GALNTL5: variants seen among roughly 807,000 people sequenced by gnomAD.
GALNTL5 encodes the protein inactive polypeptide N-acetylgalactosaminyltransferase-like protein 5.
GALNTL5 carries 44 observed loss-of-function variants against 51.0 expected under a neutral mutation model. The observed-to-expected ratio is 0.86, with a 90% CI of 0.68 to 1.11. GALNTL5 has a LOEUF of 1.11. Among genes scored for constraint, GALNTL5 ranks in the 50% least tolerant of loss-of-function variants. The pLI is 0.00. For missense variants in GALNTL5, 528 were observed against 531.8 expected, an observed-to-expected ratio of 0.99 and a Z score of 0.07; for synonymous variants, 192 against 182.8, an observed-to-expected ratio of 1.05 and a Z score of -0.41.
chr7:151,987,765 C>T (rs770491787), intron 5 of GALNTL5, among the ~76,000 whole-genome samples: 1 of 152,212 alleles, frequency 6.6e-6, no homozygotes. Flanking sequence ...ACCCGACACA[C>T]GTGGAGGAGG....
intron 3 of GALNTL5, among the ~76,000 whole-genome samples, chr7:151,979,392 G>A (rs2081250191): frequency 6.6e-6 from 1 of 151,164 alleles, no homozygotes; most frequent in South Asian, 2.1e-4. Flanking sequence ...GGGATTACAG[G>A]TGTGAGCCAC....
rs138586112 is a variant in GALNTL5, at chr7:151,959,327, A to G, written c.-40+2718A>G. Among the ~76,000 whole-genome samples, 139 of 152,262 alleles carry G rather than the reference A, an allele frequency of 9.1e-4. 1 individual carries two copies. The highest frequency in any genetic ancestry group is 3.3e-3 in the African/African-American group (138 of 41,542). ...TAACTTTAAAATTTAGATATTTAAT[A>G]GGGAGATATGGTGGTAATGTAAATT... On this transcript the variant is annotated intron_variant, in intron 1 of 8. Transcript: ENST00000392800.
At chr7:151,991,090 T>C (rs1461083760) in intron 5 of GALNTL5, among the ~76,000 whole-genome samples, 1 of 134,084 alleles carries the variant, frequency 7.5e-6, no homozygotes, top group Admixed American at 7.0e-5. Context: ...CTTTTTGTTG[T>C]TGTTGTTGTT....
intron 3 of GALNTL5, among the ~76,000 whole-genome samples, chr7:151,979,002 T>A (rs905133936): frequency 6.6e-6 from 1 of 152,138 alleles, no homozygotes. Flanking sequence ...TCCTGCTTTG[T>A]ACTGAACTAT....
intron 6 of GALNTL5, among the ~76,000 whole-genome samples, chr7:152,007,072 T>C (rs2081654337): frequency 6.6e-6 from 1 of 152,178 alleles, no homozygotes; most frequent in Non-Finnish European, 1.5e-5. Flanking sequence ...CAGCTGTGAC[T>C]ATTTTCAAAC....
intron 3 of GALNTL5, among the ~76,000 whole-genome samples, chr7:151,980,089 G>A (rs2081260175): frequency 6.6e-6 from 1 of 151,996 alleles, no homozygotes; most frequent in Non-Finnish European, 1.5e-5. Context: ...TGATCTTACT[G>A]GAATATTTTT....
intron 4 of GALNTL5, among the ~76,000 whole-genome samples, chr7:151,985,431 T>C (rs1433672007): frequency 1.3e-5 from 2 of 152,144 alleles, no homozygotes; most frequent in African/African-American, 2.4e-5. Flanking sequence ...GGAGCTCAGG[T>C]TGACACCTTC....
At chr7:151,957,227 C>T (rs959966788) in intron 1 of GALNTL5, among the ~76,000 whole-genome samples, 1 of 151,388 alleles carries the variant, frequency 6.6e-6, no homozygotes, top group African/African-American at 2.4e-5. Flanking sequence ...GTCATGTTTT[C>T]CTGATTCAAT....
At chr7:151,957,112 C>G (rs56291328) in intron 1 of GALNTL5, among the ~76,000 whole-genome samples, 7,898 of 139,392 alleles carry the variant, frequency 0.057, 259 homozygotes, top group African/African-American at 0.09. Flanking sequence ...TCAAGATCAG[C>G]TTGGATGAAA....
chr7:151,971,196 C>G (rs1267333470), intron 3 of GALNTL5, 131 bp downstream of exon 3: 12 of 708,836 alleles, frequency 1.7e-5, no homozygotes, highest in African/African-American at 3.7e-5. Context: ...GTTATAGATT[C>G]CTATTTTTAG....
chr7:151,972,930 C>A (rs547619631), intron 3 of GALNTL5, among the ~76,000 whole-genome samples: 1 of 152,254 alleles, frequency 6.6e-6, no homozygotes, highest in Admixed American at 6.5e-5. Context: ...CCTAGTGGAG[C>A]TGTGAGAAGA....
At chr7:151,976,905 T>C (rs2081213750) in intron 3 of GALNTL5, among the ~76,000 whole-genome samples, 1 of 152,132 alleles carries the variant, frequency 6.6e-6, no homozygotes, top group African/African-American at 2.4e-5. Context: ...TGACCTCAGG[T>C]GATCCAACCA....
intron 7 of GALNTL5, among the ~76,000 whole-genome samples, chr7:152,012,451 CT>C (rs1468636548): frequency 0.021 from 4 of 192 alleles, no homozygotes; most frequent in East Asian, 0.18. Context: ...CTATACTCTG[CT>C]GCTGTGGGAG....
chr7:151,991,356 G>A (rs1335611640), intron 5 of GALNTL5, among the ~76,000 whole-genome samples: 1 of 152,198 alleles, frequency 6.6e-6, no homozygotes, highest in Non-Finnish European at 1.5e-5. Context: ...GCCTCATAGT[G>A]CCGGGATTAC....
Position 152,007,821 on chromosome 7 carries a change from T to C in GALNTL5, c.909-6T>C, listed in dbSNP as rs763205317. 1.9e-5 allele frequency: 29 copies of C among 1,510,398 alleles called. No homozygotes were observed. The Admixed American group carries it at 4.9e-4, about 25-fold the overall frequency. 93.6% of individuals were successfully genotyped at this position (1,510,398 alleles called of 1,614,324 possible). A position where few individuals can be genotyped will look rare whatever the true frequency, so the allele number is the denominator to read the frequency against. On this transcript the variant is annotated splice_polypyrimidine_tract_variant and splice_region_variant and intron_variant, in intron 6 of 8. Transcript: ENST00000392800. ...AATTAATTTCATATTTATGTCCCCT[T>C]TCTAGGTCACCTGCAATGTCTGGAG...
At chr7:151,962,631 C>T (rs1020455002) in intron 1 of GALNTL5, among the ~76,000 whole-genome samples, 1 of 145,946 alleles carries the variant, frequency 6.9e-6, no homozygotes, top group African/African-American at 2.5e-5. Flanking sequence ...GTTTAATAGA[C>T]AGAGTCTTGC....
rs561010805 is a variant in GALNTL5 at position 151,982,926 on chromosome 7, A to G, written c.369-60A>G. 2.5e-6 allele frequency: 4 copies of G among 1,612,882 alleles called. No individual in the cohort carries two copies. The African/African-American group carries it at 5.3e-5, about 22-fold the overall frequency. The stretch of plus-strand genomic sequence containing the variant: ...AAATAAGGAGAAGTGTTTGAACGAG[A>G]TGACACAACATCCAAGGCATTTAGA... On this transcript the variant is annotated intron_variant, in intron 3 of 8. Coordinates refer to ENST00000392800, the MANE Select transcript of GALNTL5 (RefSeq NM_145292.4).
At chr7:151,994,006 A>C (rs916309271) in intron 5 of GALNTL5, among the ~76,000 whole-genome samples, 1 of 152,168 alleles carries the variant, frequency 6.6e-6, no homozygotes, top group Admixed American at 6.5e-5. Context: ...AATTTTGTTC[A>C]TATCTTTGAT....
chr7:152,017,227 T>C (rs2081830908), intron 8 of GALNTL5, among the ~76,000 whole-genome samples: 1 of 152,118 alleles, frequency 6.6e-6, no homozygotes, highest in African/African-American at 2.4e-5. Flanking sequence ...GGCTATATGG[T>C]ATGGCCCATT....
Sources: allele counts gnomAD v4.1 joint callset (sites outside exome capture counted in the v4.1 genomes callset), GRCh38; gene constraint gnomAD v4.1.1; transcripts MANE v1.5; gene names NCBI Gene and HGNC (gene_info 2026-07-23, HGNC 2026-07-21).